SHC4: variants seen among roughly 807,000 people sequenced by gnomAD.
The protein encoded by SHC4 is SHC-transforming protein 4.
A neutral mutation model predicts 69.4 loss-of-function variants in SHC4; 41 were observed. The observed-to-expected ratio is 0.59, with a 90% CI of 0.46 to 0.77. SHC4 has a LOEUF of 0.77. Among genes scored for constraint, SHC4 ranks in the 30% least tolerant of loss-of-function variants. The probability of loss-of-function intolerance (pLI) is 0.00; values close to 1 mark genes in which losing one functional copy is unlikely to be tolerated. For synonymous variants in SHC4, 318 were observed against 299.3 expected, an observed-to-expected ratio of 1.06 and a Z score of -0.64; for missense variants, 777 against 783.8, an observed-to-expected ratio of 0.99 and a Z score of 0.10.
At chr15:48,840,349 A>T (rs1235591960) in intron 10 of SHC4, among the ~76,000 whole-genome samples, 1 of 152,234 alleles carries the variant, frequency 6.6e-6, no homozygotes, top group Non-Finnish European at 1.5e-5. Flanking sequence ...ATGTTTGGTG[A>T]GAATAAAGAT....
intron 2 of SHC4, among the ~76,000 whole-genome samples, chr15:48,896,575 C>A (rs1381322758): frequency 6.6e-6 from 1 of 152,162 alleles, no homozygotes; most frequent in Non-Finnish European, 1.5e-5. Flanking sequence ...CCCGCCTGGC[C>A]TTTCAAAGTG....
At chr15:48,936,309 T>C (rs1901069327) in intron 1 of SHC4, among the ~76,000 whole-genome samples, 1 of 152,220 alleles carries the variant, frequency 6.6e-6, no homozygotes, top group Non-Finnish European at 1.5e-5. Context: ...ATTATAACGA[T>C]GGAACCTTCT....
Position 48,826,028 on chromosome 15 carries a change from G to A in SHC4, c.1836C>T (p.Ser612=). ...LPIISSGSEV[S]LKQPVRKDNN... Reference sequence around the variant, plus strand: ...TATCTTTTCTCACTGGTTGTTTAAGGCTTACTTCGCTTCCAGAGGAGATGA... The same window carrying A: ...TATCTTTTCTCACTGGTTGTTTAAGACTTACTTCGCTTCCAGAGGAGATGA... Residue 612 remains serine, a synonymous_variant, in exon 12 of 12, where the codon AGC becomes AGT. Coordinates refer to ENST00000332408, the MANE Select transcript of SHC4 (RefSeq NM_203349.4). 1 of 1,613,920 alleles carries A rather than the reference G, an allele frequency of 6.2e-7. No homozygotes were observed. Among genetic ancestry groups the A allele is most frequent in the Non-Finnish European group, 8.5e-7 (1 of 1,179,916 alleles).
At chr15:48,865,679 C>T (rs555032182) in intron 6 of SHC4, among the ~76,000 whole-genome samples, 17 of 152,312 alleles carry the variant, frequency 1.1e-4, no homozygotes, top group Non-Finnish European at 2.1e-4. Flanking sequence ...TATACACAGG[C>T]TGATGGCTAA....
chr15:48,906,178 G>A (rs903154331), intron 2 of SHC4, among the ~76,000 whole-genome samples: 18 of 152,134 alleles, frequency 1.2e-4, no homozygotes, highest in Non-Finnish European at 1.9e-4. Flanking sequence ...GAGTCTCAAA[G>A]TTTAGAAATG....
At position 48,899,064 on chromosome 15, in the gene SHC4, C is replaced by T. The variant is rs190381540; in HGVS notation, c.657-8253G>A. On this transcript the variant is annotated intron_variant, in intron 2 of 11. Transcript: ENST00000332408. ...ATTTAGAAAAAAAAAAAAAAAAAAC[C>T]GAAAACAGGTCTTACTTAGTCACCC... is the stretch of plus-strand genomic sequence containing the variant. Among the ~76,000 whole-genome samples the T allele has an allele frequency of 5.7e-3, 853 of 148,834 alleles. 9 individuals carry two copies. The highest frequency in any genetic ancestry group is 0.02 in the African/African-American group (815 of 40,566).
chr15:48,893,085 A>G (rs1419118853), intron 2 of SHC4, among the ~76,000 whole-genome samples: 1 of 152,174 alleles, frequency 6.6e-6, no homozygotes, highest in African/African-American at 2.4e-5. Context: ...TCTCACACCA[A>G]TTATCAATAT....
intron 1 of SHC4, among the ~76,000 whole-genome samples, chr15:48,949,350 G>A (rs1468562434): frequency 3.4e-5 from 5 of 146,820 alleles, no homozygotes; most frequent in Non-Finnish European, 5.9e-5. Context: ...CAGCCTGGGC[G>A]ACAGAGTGAG....
chr15:48,931,804 C>G (rs1192776123), intron 1 of SHC4, among the ~76,000 whole-genome samples: 1 of 152,122 alleles, frequency 6.6e-6, no homozygotes, highest in African/African-American at 2.4e-5. Context: ...GGGTAACTAT[C>G]TGCCCCAGAG....
chr15:48,924,453 A>T (rs1900810553), intron 2 of SHC4, among the ~76,000 whole-genome samples: 1 of 152,120 alleles, frequency 6.6e-6, no homozygotes, highest in African/African-American at 2.4e-5. Context: ...GAGGAGGGAG[A>T]CCCAGACAAG....
At chr15:48,872,308 A>G (rs561966268) in intron 4 of SHC4, among the ~76,000 whole-genome samples, 166 bp from the exon 5 acceptor site, 1 of 152,336 alleles carries the variant, frequency 6.6e-6, no homozygotes, top group Non-Finnish European at 1.5e-5. Flanking sequence ...AAACCACGAG[A>G]TTCTGATGAT....
chr15:48,917,166 T>C (rs1019920640), intron 2 of SHC4, among the ~76,000 whole-genome samples: 1 of 151,712 alleles, frequency 6.6e-6, no homozygotes, highest in Non-Finnish European at 1.5e-5. Flanking sequence ...GAAGGAAGAT[T>C]TTTTTTCTTC....
chr15:48,944,034 G>A (rs1178306026), intron 1 of SHC4, among the ~76,000 whole-genome samples: 3 of 151,946 alleles, frequency 2.0e-5, no homozygotes, highest in Non-Finnish European at 4.4e-5. Context: ...TGCCCTGGCC[G>A]AGCACCTTTT....
At chr15:48,949,476 G>A (rs996383132) in intron 1 of SHC4, among the ~76,000 whole-genome samples, 1 of 151,222 alleles carries the variant, frequency 6.6e-6, no homozygotes, top group African/African-American at 2.4e-5. Flanking sequence ...CCTGTATCAA[G>A]ACCTTGATAC....
intron 6 of SHC4, among the ~76,000 whole-genome samples, chr15:48,862,954 T>C (rs1899474241): frequency 6.6e-6 from 1 of 151,814 alleles, no homozygotes; most frequent in African/African-American, 2.4e-5. Context: ...GCAGTTTTTT[T>C]CTGCACCTGC....
intron 1 of SHC4, among the ~76,000 whole-genome samples, chr15:48,960,070 C>T (rs1185986106): frequency 2.0e-5 from 3 of 152,312 alleles, no homozygotes; most frequent in Admixed American, 6.5e-5. Context: ...TAGCTTGTAT[C>T]GGACATCACG....
rs1337550859 is a variant in SHC4, at chr15:48,857,797, C to T, written c.965G>A (p.Cys322Tyr). The change falls in exon 7 of 12, where the codon TGC (cysteine) becomes TAC (tyrosine). Residue 322 changes from cysteine (C) to tyrosine (Y), a missense_variant. Transcript: ENST00000332408. The stretch of plus-strand genomic sequence containing the variant: ...GACGTCTTGGGCCATTCCATTGTGG[C>T]ATTCCAATATGTGACAGGCTGCAAG... ...VNQRACHILE[C>Y]HNGMAQDVIS... is the part of the protein sequence containing the mutation. 5.8e-6 allele frequency: 9 copies of T among 1,559,922 alleles called. No individual in the cohort carries two copies.
intron 9 of SHC4, among the ~76,000 whole-genome samples, chr15:48,844,228 C>T (rs1182372670): frequency 6.6e-6 from 1 of 152,164 alleles, no homozygotes; most frequent in South Asian, 2.1e-4. Flanking sequence ...TCTCCTCCTC[C>T]TCTATTAATC....
chr15:48,959,608 A>T (rs1901507674), intron 1 of SHC4, among the ~76,000 whole-genome samples: 2 of 152,212 alleles, frequency 1.3e-5, no homozygotes, highest in Non-Finnish European at 2.9e-5. Context: ...TCAACTAGCC[A>T]TTAAGATCAT....
Sources: gnomAD v4.1 joint callset for allele counts (sites outside exome capture counted in the v4.1 genomes callset) on GRCh38, gnomAD v4.1.1 for gene constraint, MANE v1.5 for transcripts, NCBI Gene and HGNC (gene_info 2026-07-23, HGNC 2026-07-21) for gene names.